Variants in NAV3 observed in about 807,000 individuals in gnomAD.
The protein encoded by NAV3 is neuron navigator 3, also known as pore membrane and/or filament interacting like protein 1.
NAV3 carries 87 observed loss-of-function variants against 244.7 expected under a neutral mutation model. That is an observed-to-expected ratio of 0.36 (90% CI 0.30 to 0.42). The LOEUF (loss-of-function observed/expected upper bound fraction) is 0.42, where lower values mean the gene tolerates loss of function less well. NAV3 is among the 20% of genes least tolerant of loss of function. The probability of loss-of-function intolerance (pLI) is 1.00; values close to 1 mark genes in which losing one functional copy is unlikely to be tolerated. For synonymous variants in NAV3, 1,126 were observed against 1,042.2 expected (o/e 1.08, Z -1.55); for missense variants, 2,663 against 2,893.3 (o/e 0.92, Z 1.83).
At position 77,965,061 on chromosome 12, in the gene NAV3, G is replaced by A. The variant is rs1892391677; in HGVS notation, c.415-1168G>A. ...TGTGTCCTCATGCATAGCTTTCGATGAGAATTTAGTAAGACAGACAATAGG... is the reference window on the plus strand; with the variant it reads ...TGTGTCCTCATGCATAGCTTTCGATAAGAATTTAGTAAGACAGACAATAGG... On this transcript the variant is annotated intron_variant, in intron 3 of 39. Coordinates refer to ENST00000397909, the MANE Select transcript of NAV3 (RefSeq NM_001024383.2). Among the ~76,000 whole-genome samples, 6 of 152,094 alleles carry A rather than the reference G, an allele frequency of 3.9e-5. No homozygotes were observed. In the South Asian group the frequency reaches 1.2e-3, roughly 32 times the overall value.
chr12:78,195,856 C>T (rs1481232563), intron 34 of NAV3, among the ~76,000 whole-genome samples: 1 of 151,842 alleles, frequency 6.6e-6, no homozygotes, highest in Admixed American at 6.6e-5. Flanking sequence ...AATTCCAGTC[C>T]CTAATGTGAC....
chr12:77,609,858 A>G (rs1362930712), intron 2 of NAV3, among the ~76,000 whole-genome samples: 1 of 151,948 alleles, frequency 6.6e-6, no homozygotes. Flanking sequence ...CTTTCTTATC[A>G]TATTATCACA....
intron 2 of NAV3, among the ~76,000 whole-genome samples, chr12:77,761,455 A>G (rs185376313): frequency 6.6e-6 from 1 of 152,350 alleles, no homozygotes; most frequent in East Asian, 1.9e-4. Flanking sequence ...TATCATGGAA[A>G]ATGTTTAAAA....
At chr12:77,741,277 C>A (rs1485419644) in intron 2 of NAV3, among the ~76,000 whole-genome samples, 2 of 151,542 alleles carry the variant, frequency 1.3e-5, no homozygotes, top group African/African-American at 4.8e-5. Flanking sequence ...AATCCCCTCA[C>A]ACATTTTTAA....
chr12:77,914,070 GTTTTA>G (rs1366063622), intron 1 of NAV3, among the ~76,000 whole-genome samples: 1 of 151,980 alleles, frequency 6.6e-6, no homozygotes, highest in Non-Finnish European at 1.5e-5. Flanking sequence ...CCAAGTGGAG[GTTTTA>G]TGAGATGCTC....
chr12:78,029,968 G>T (rs1228398827), intron 9 of NAV3, among the ~76,000 whole-genome samples: 1 of 152,086 alleles, frequency 6.6e-6, no homozygotes, highest in East Asian at 1.9e-4. Context: ...ATTTCTGATG[G>T]TTCAATGCAC....
At chr12:77,671,294 G>T (rs1433149559) in intron 2 of NAV3, among the ~76,000 whole-genome samples, 1 of 151,824 alleles carries the variant, frequency 6.6e-6, no homozygotes, top group Non-Finnish European at 1.5e-5. Context: ...CCTGCTGGAA[G>T]AACTCATAGA....
intron 2 of NAV3, among the ~76,000 whole-genome samples, chr12:77,668,298 AG>A (rs1390340186): frequency 6.6e-6 from 1 of 152,236 alleles, no homozygotes; most frequent in Non-Finnish European, 1.5e-5. Flanking sequence ...CTGAATTGCC[AG>A]AAAAAGAATT....
intron 1 of NAV3, among the ~76,000 whole-genome samples, chr12:77,893,070 T>C (rs950695966): frequency 6.6e-6 from 1 of 152,208 alleles, no homozygotes; most frequent in African/African-American, 2.4e-5. Flanking sequence ...TTGGATGGAC[T>C]GAATTAGTTA....
chr12:77,804,922 CT>C (rs763032796), intron 2 of NAV3, among the ~76,000 whole-genome samples: 7 of 151,984 alleles, frequency 4.6e-5, no homozygotes, highest in Non-Finnish European at 7.4e-5. Context: ...GTATTTTATT[CT>C]CTTTGTGAAT....
intron 30 of NAV3, among the ~76,000 whole-genome samples, chr12:78,183,162 A>G (rs1180338217): frequency 6.6e-6 from 1 of 151,970 alleles, no homozygotes; most frequent in Non-Finnish European, 1.5e-5. Flanking sequence ...CTAGTAAAAA[A>G]CAAAACAAAA....
intron 30 of NAV3, among the ~76,000 whole-genome samples, chr12:78,181,454 T>C (rs1958495486): frequency 6.6e-6 from 1 of 152,098 alleles, no homozygotes; most frequent in African/African-American, 2.4e-5. Context: ...ACCTGTGTGA[T>C]GCTGCTCTGA....
chr12:77,606,207 A>G (rs924199961), intron 2 of NAV3, among the ~76,000 whole-genome samples: 1 of 152,196 alleles, frequency 6.6e-6, no homozygotes, highest in African/African-American at 2.4e-5. Flanking sequence ...TTTCAAGAAT[A>G]AGTTGGTTAT....
intron 2 of NAV3, among the ~76,000 whole-genome samples, chr12:77,755,039 A>T (rs1398689191): frequency 6.6e-6 from 1 of 152,198 alleles, no homozygotes; most frequent in East Asian, 1.9e-4. Context: ...AATTAAAAAC[A>T]ATTCCAAACC....
At chr12:77,711,355 G>A (rs1435182210) in intron 2 of NAV3, among the ~76,000 whole-genome samples, 1 of 152,178 alleles carries the variant, frequency 6.6e-6, no homozygotes, top group Non-Finnish European at 1.5e-5. Context: ...TGCATCTCTA[G>A]TCCCATAGGA....
At chr12:77,829,492 T>A (rs1447710892), upstream of NAV3, among the ~76,000 whole-genome samples, 1 of 152,126 alleles carries the variant, frequency 6.6e-6, no homozygotes, top group Admixed American at 6.5e-5. Flanking sequence ...TGCATATGTC[T>A]TATTATGAAC....
intron 1 of NAV3, among the ~76,000 whole-genome samples, chr12:77,903,003 C>T (rs1219765457): frequency 1.3e-5 from 2 of 152,142 alleles, no homozygotes; most frequent in Non-Finnish European, 1.5e-5. Context: ...AGGATACAAA[C>T]AAATGGAAGC....
Position 78,210,731 on chromosome 12 carries a change from A to G in NAV3, c.*214A>G, listed in dbSNP as rs914435645. On this transcript the variant is annotated 3_prime_UTR_variant, in exon 40 of 40. Transcript: ENST00000397909. ...TTTAGTTTATTTCTAAGCATTTTTT[A>G]TATCTGTGGAGTAATAGAAAGCTCC... is the stretch of plus-strand genomic sequence containing the variant. 16 of 561,526 alleles carry G rather than the reference A, an allele frequency of 2.8e-5. No individual in the cohort carries two copies. The highest frequency in any genetic ancestry group is 6.6e-5 in the South Asian group (3 of 45,778). 34.8% of individuals were successfully genotyped at this position (561,526 alleles called of 1,614,324 possible).
intron 2 of NAV3, among the ~76,000 whole-genome samples, chr12:77,633,068 CAGTT>C (rs1565745500): frequency 6.6e-6 from 1 of 151,996 alleles, no homozygotes; most frequent in East Asian, 1.9e-4. Context: ...AGAGTATACT[CAGTT>C]ATTAGGTGAA....
Sources: allele counts gnomAD v4.1 joint callset (sites outside exome capture counted in the v4.1 genomes callset), GRCh38; gene constraint gnomAD v4.1.1; transcripts MANE v1.5; gene names NCBI Gene and HGNC (gene_info 2026-07-23, HGNC 2026-07-21).